Variants in RELN observed in about 807,000 individuals in gnomAD.
The protein encoded by RELN is reelin.
Under a neutral mutation model 427.6 loss-of-function variants are expected in RELN, and 108 were observed. That is an observed-to-expected ratio of 0.25 (90% confidence interval 0.22 to 0.30). The LOEUF is 0.30. RELN is among the 10% of genes least tolerant of loss of function. The pLI is 1.00. For synonymous variants in RELN, 1,524 were observed against 1,513.4 expected, an observed-to-expected ratio of 1.01 and a Z score of -0.16; for missense variants, 3,715 against 4,302.8, an observed-to-expected ratio of 0.86 and a Z score of 3.82.
At chr7:103,673,549 A>C (rs1447886316) in intron 11 of RELN, among the ~76,000 whole-genome samples, 1 of 151,900 alleles carries the variant, frequency 6.6e-6, no homozygotes, top group Non-Finnish European at 1.5e-5. Flanking sequence ...CTTGTTTACT[A>C]CTCTTTCTTG....
At chr7:103,524,178 G>A (rs1350763953) in intron 46 of RELN, among the ~76,000 whole-genome samples, 1 of 152,148 alleles carries the variant, frequency 6.6e-6, no homozygotes, top group Non-Finnish European at 1.5e-5. Context: ...AAGTACCATG[G>A]AATGACACCA....
chr7:103,817,806 G>A lies in RELN; in HGVS notation c.473+15731C>T, dbSNP rs988140331. ...ACTAAAAATACAAAACTAGCGAGGC[G>A]TGGTGGTGCGTGCCTGTAGTCCCAG... On this transcript the variant is annotated intron_variant, in intron 3 of 64. Transcript: ENST00000428762. Among the ~76,000 whole-genome samples, 33 of 151,658 alleles carry A rather than the reference G, an allele frequency of 2.2e-4. 1 individual carries two copies. In the East Asian group the frequency reaches 5.8e-3, roughly 27 times the overall value.
intron 1 of RELN, among the ~76,000 whole-genome samples, chr7:103,936,106 T>G (rs964715336): frequency 2.6e-5 from 4 of 151,774 alleles, no homozygotes; most frequent in Non-Finnish European, 5.9e-5. Context: ...TGGCTTTTTT[T>G]TTTTGAGACA....
chr7:103,773,225 C>A (rs1791634831), intron 4 of RELN, among the ~76,000 whole-genome samples: 1 of 118,636 alleles, frequency 8.4e-6, no homozygotes, highest in Non-Finnish European at 1.7e-5. Context: ...CTCCCTCCCT[C>A]CCTCGCTCCC....
intron 45 of RELN, among the ~76,000 whole-genome samples, chr7:103,536,755 C>T (rs2117121277): frequency 6.6e-6 from 1 of 152,346 alleles, no homozygotes; most frequent in South Asian, 2.1e-4. Flanking sequence ...TATGGGCATT[C>T]TTCCAGACCC....
At chr7:103,831,968 G>T (rs1386234993) in intron 3 of RELN, among the ~76,000 whole-genome samples, 1 of 152,134 alleles carries the variant, frequency 6.6e-6, no homozygotes, top group African/African-American at 2.4e-5. Context: ...AAACATACTG[G>T]AAGGAAAATG....
chr7:103,742,379 G>A (rs1480082950), intron 6 of RELN, among the ~76,000 whole-genome samples: 4 of 152,186 alleles, frequency 2.6e-5, no homozygotes, highest in East Asian at 1.9e-4. Flanking sequence ...CCAAAGGAAC[G>A]CAGCTCCTCA....
chr7:103,554,186 C>T (rs1048116842), intron 38 of RELN, among the ~76,000 whole-genome samples: 18 of 149,630 alleles, frequency 1.2e-4, no homozygotes, highest in Non-Finnish European at 2.1e-4. Flanking sequence ...GACCATGTCT[C>T]AAAAAAGAAC....
intron 1 of RELN, among the ~76,000 whole-genome samples, chr7:103,971,646 T>G (rs906435350): frequency 7.9e-5 from 12 of 152,226 alleles, no homozygotes; most frequent in Non-Finnish European, 1.6e-4. Context: ...TATTATCTTT[T>G]TGGAGGACAA....
chr7:103,735,224 T>G (rs1049457201), intron 6 of RELN, among the ~76,000 whole-genome samples: 10 of 152,162 alleles, frequency 6.6e-5, no homozygotes, highest in Non-Finnish European at 1.2e-4. Context: ...ATTGCAAGCT[T>G]GTTATTTTGT....
chr7:103,729,490 T>C (rs1790299593), intron 6 of RELN, among the ~76,000 whole-genome samples: 1 of 152,144 alleles, frequency 6.6e-6, no homozygotes. Flanking sequence ...ACACAGAAGA[T>C]CAACAGTGCC....
intron 42 of RELN, among the ~76,000 whole-genome samples, chr7:103,543,188 G>GAGT (rs1830212194): frequency 6.6e-6 from 1 of 152,164 alleles, no homozygotes; most frequent in South Asian, 2.1e-4. Flanking sequence ...GTTAGTCAGA[G>GAGT]AGTAGTTCAG....
At chr7:103,862,337 G>C (rs1183395335) in intron 2 of RELN, among the ~76,000 whole-genome samples, 1 of 152,040 alleles carries the variant, frequency 6.6e-6, no homozygotes, top group Non-Finnish European at 1.5e-5. Flanking sequence ...GGCAGCTGTA[G>C]CTGAAAATTA....
intron 1 of RELN, among the ~76,000 whole-genome samples, chr7:103,969,173 A>G (rs1462730180): frequency 6.6e-6 from 1 of 152,106 alleles, no homozygotes; most frequent in Non-Finnish European, 1.5e-5. Flanking sequence ...TTTAAGATTA[A>G]TAAACTGGGG....
chr7:103,639,524 C>T (rs916788129), intron 17 of RELN, among the ~76,000 whole-genome samples: 2 of 151,490 alleles, frequency 1.3e-5, no homozygotes, highest in African/African-American at 2.4e-5. Flanking sequence ...CTCAGCCTCC[C>T]GAGTAGCTGG....
chr7:103,570,481 A>G (rs913879859), intron 31 of RELN, among the ~76,000 whole-genome samples: 1 of 152,158 alleles, frequency 6.6e-6, no homozygotes, highest in African/African-American at 2.4e-5. Flanking sequence ...TCATCAGCCT[A>G]TTTGTTTCTG....
intron 24 of RELN, among the ~76,000 whole-genome samples, chr7:103,597,564 T>C (rs972442042): frequency 6.6e-6 from 1 of 152,130 alleles, no homozygotes; most frequent in African/African-American, 2.4e-5. Context: ...ATCAGGCCAC[T>C]GCACCCCAGC....
At chr7:103,933,690 A>G (rs999050257) in intron 1 of RELN, among the ~76,000 whole-genome samples, 1 of 152,094 alleles carries the variant, frequency 6.6e-6, no homozygotes, top group Non-Finnish European at 1.5e-5. Flanking sequence ...GGATGTACTC[A>G]AGTTCAGCTT....
chr7:103,545,445 C>T (rs751474331), intron 41 of RELN, 101 bp from the exon 42 acceptor site: 6 of 783,768 alleles, frequency 7.7e-6, no homozygotes, highest in Non-Finnish European at 1.3e-5. Context: ...TCTACCTATG[C>T]TCAACACCCA....
Sources: gnomAD v4.1 joint callset for allele counts (sites outside exome capture counted in the v4.1 genomes callset) on GRCh38, gnomAD v4.1.1 for gene constraint, MANE v1.5 for transcripts, NCBI Gene and HGNC (gene_info 2026-07-23, HGNC 2026-07-21) for gene names.